Variants in UBE2E2 observed in about 807,000 individuals in gnomAD.
UBE2E2 encodes ubiquitin-conjugating enzyme E2 E2.
UBE2E2 carries 6 observed loss-of-function variants against 24.7 expected under a neutral mutation model. The ratio of observed to expected loss-of-function variants is 0.24; its 90% CI spans 0.13 to 0.48. The LOEUF (loss-of-function observed/expected upper bound fraction) is 0.48. Among genes scored for constraint, UBE2E2 ranks in the 20% least tolerant of loss-of-function variants. The probability of loss-of-function intolerance (pLI) is 0.99; values close to 1 mark genes in which losing one functional copy is unlikely to be tolerated. For missense variants in UBE2E2, 169 were observed against 245.0 expected, an observed-to-expected ratio of 0.69 and a Z score of 2.07; for synonymous variants, 104 against 83.6, an observed-to-expected ratio of 1.24 and a Z score of -1.33.
intron 5 of UBE2E2, among the ~76,000 whole-genome samples, chr3:23,549,948 G>A (rs977902598): frequency 2.0e-5 from 3 of 150,620 alleles, no homozygotes; most frequent in Non-Finnish European, 2.9e-5. Flanking sequence ...CAGGAGAATC[G>A]CTTAAACCTA....
chr3:23,498,179 T>C (rs577234806), intron 3 of UBE2E2, among the ~76,000 whole-genome samples: 1 of 152,180 alleles, frequency 6.6e-6, no homozygotes, highest in Non-Finnish European at 1.5e-5. Context: ...TTGGTCACTT[T>C]TATATGATCC....
intron 3 of UBE2E2, among the ~76,000 whole-genome samples, chr3:23,263,525 A>G (rs919152218): frequency 6.6e-6 from 1 of 152,194 alleles, no homozygotes; most frequent in African/African-American, 2.4e-5. Flanking sequence ...TTGGAACATG[A>G]TAATAGCATC....
chr3:23,349,416 G>A lies in UBE2E2; in HGVS notation c.227+132104G>A, dbSNP rs183165855. ...GGGTGCAGCACACTGTGCGCGACCC[G>A]AAGCAGGGCAAGACATTGCCTCACT... On this transcript the variant is annotated intron_variant, in intron 3 of 5. Coordinates refer to ENST00000396703, the MANE Select transcript of UBE2E2 (RefSeq NM_152653.4). 1.6e-4 allele frequency among the ~76,000 whole-genome samples: 25 copies of A among 152,324 alleles called. 2 individuals carry two copies. The highest frequency in any genetic ancestry group is 5.8e-4 in the East Asian group (3 of 5,174).
intron 3 of UBE2E2, among the ~76,000 whole-genome samples, chr3:23,395,467 A>G (rs190745076): frequency 7.9e-5 from 12 of 152,304 alleles, no homozygotes; most frequent in Admixed American, 5.2e-4. Flanking sequence ...TAAGCTGTCT[A>G]TAAGTTATCC....
intron 3 of UBE2E2, among the ~76,000 whole-genome samples, chr3:23,260,139 A>C (rs766940520): frequency 1.5e-4 from 23 of 152,236 alleles, no homozygotes; most frequent in Non-Finnish European, 2.8e-4. Context: ...CTTTGAAAGC[A>C]TCTGAAAAGG....
At chr3:23,550,164 A>C (rs1435581624) in intron 5 of UBE2E2, among the ~76,000 whole-genome samples, 2 of 152,204 alleles carry the variant, frequency 1.3e-5, no homozygotes, top group Non-Finnish European at 2.9e-5. Flanking sequence ...AGAATGAATT[A>C]TAACTCAAAC....
intron 4 of UBE2E2, among the ~76,000 whole-genome samples, chr3:23,508,378 G>A (rs1239410456): frequency 6.6e-6 from 1 of 152,206 alleles, no homozygotes; most frequent in Non-Finnish European, 1.5e-5. Context: ...ATGCCTATAA[G>A]CTAATAGGAA....
chr3:23,523,825 A>ATTT (rs5847238), intron 4 of UBE2E2, among the ~76,000 whole-genome samples: 4,251 of 148,122 alleles, frequency 0.029, 100 homozygotes, highest in East Asian at 0.12. Context: ...CAAAGAGGGG[A>ATTT]TTTTTTTTTT....
chr3:23,347,374 TA>T (rs1417181094), intron 3 of UBE2E2, among the ~76,000 whole-genome samples: 12 of 152,078 alleles, frequency 7.9e-5, no homozygotes, highest in African/African-American at 2.9e-4. Flanking sequence ...TATGCAGCCA[TA>T]AAAAAGGATG....
At chr3:23,375,355 C>A (rs901542420) in intron 3 of UBE2E2, among the ~76,000 whole-genome samples, 13 of 152,160 alleles carry the variant, frequency 8.5e-5, no homozygotes, top group South Asian at 4.1e-4. Context: ...TATGAGAATG[C>A]TACCTGATCC....
intron 3 of UBE2E2, among the ~76,000 whole-genome samples, chr3:23,487,098 G>A (rs545493832): frequency 7.9e-5 from 12 of 152,296 alleles, no homozygotes; most frequent in African/African-American, 1.7e-4. Flanking sequence ...CCCTGAGTTC[G>A]TCAGAACCCA....
intron 4 of UBE2E2, among the ~76,000 whole-genome samples, chr3:23,501,657 T>C (rs970213525): frequency 1.3e-5 from 2 of 152,182 alleles, no homozygotes; most frequent in Non-Finnish European, 2.9e-5. Flanking sequence ...GGTTGGACTT[T>C]ATCCAGGATG....
intron 3 of UBE2E2, among the ~76,000 whole-genome samples, chr3:23,442,311 T>A (rs1040455223): frequency 2.0e-5 from 3 of 151,426 alleles, no homozygotes; most frequent in Non-Finnish European, 2.9e-5. Context: ...AAAAAAAAAA[T>A]GAATCCTGCT....
chr3:23,331,935 T>A (rs1159994322), intron 3 of UBE2E2, among the ~76,000 whole-genome samples: 1 of 152,230 alleles, frequency 6.6e-6, no homozygotes, highest in Admixed American at 6.5e-5. Flanking sequence ...TTAATGCAAC[T>A]AATTTTAAAA....
In UBE2E2 at chr3:23,509,118, ACT is replaced by A. The variant is rs1440968693; in HGVS notation, c.360+9381_360+9382del. ...TCCCATAAAACAGTGAACACTGGAA[ACT>A]CTGAGAGAAACACTCTAAGCACATA... On this transcript the variant is annotated intron_variant, in intron 4 of 5. Coordinates refer to ENST00000396703, the MANE Select transcript of UBE2E2 (RefSeq NM_152653.4). Among the ~76,000 whole-genome samples, 4 of 152,352 alleles carry A rather than the reference ACT, an allele frequency of 2.6e-5. No homozygotes were observed. In the South Asian group the frequency reaches 6.2e-4, roughly 24 times the overall value.
intron 3 of UBE2E2, among the ~76,000 whole-genome samples, chr3:23,328,744 C>A (rs1025255539): frequency 1.3e-5 from 2 of 151,988 alleles, no homozygotes; most frequent in Non-Finnish European, 2.9e-5. Flanking sequence ...TCATTGCAAC[C>A]TCTGCCTCCT....
chr3:23,406,869 G>A (rs185566838), intron 3 of UBE2E2, among the ~76,000 whole-genome samples: 8 of 152,302 alleles, frequency 5.3e-5, no homozygotes, highest in African/African-American at 1.7e-4. Context: ...TGAATTGCTT[G>A]CTAAACTGTG....
chr3:23,322,328 C>A (rs1210137093), intron 3 of UBE2E2, among the ~76,000 whole-genome samples: 2 of 152,128 alleles, frequency 1.3e-5, no homozygotes, highest in Non-Finnish European at 2.9e-5. Context: ...CTTTAAAAAA[C>A]TTTAAATACA....
intron 5 of UBE2E2, among the ~76,000 whole-genome samples, chr3:23,547,570 TTTA>T (rs1184429813): frequency 6.6e-6 from 1 of 152,224 alleles, no homozygotes; most frequent in East Asian, 1.9e-4. Flanking sequence ...TCTAGTGAAA[TTTA>T]TTGTCAGAAA....
Sources: allele counts gnomAD v4.1 joint callset (sites outside exome capture counted in the v4.1 genomes callset), GRCh38; gene constraint gnomAD v4.1.1; transcripts MANE v1.5; gene names NCBI Gene and HGNC (gene_info 2026-07-23, HGNC 2026-07-21).